SPANXN4: variants seen among roughly 807,000 people sequenced by gnomAD.
SPANXN4 encodes the protein SPANX family member N4, also known as sperm protein associated with the nucleus on the X chromosome N4.
SPANXN4 carries 5 observed loss-of-function variants against 6.0 expected under a neutral mutation model. That is an observed-to-expected ratio of 0.83 (90% CI 0.44 to 1.75). SPANXN4 has a LOEUF of 1.75. Ranked by LOEUF, SPANXN4 falls within the 40% of genes most tolerant of loss-of-function variation. The pLI is 0.02. For synonymous variants in SPANXN4, 45 were observed against 38.0 expected (o/e 1.19, Z -0.68); for missense variants, 157 against 108.6 (o/e 1.45, Z -1.98).
chrX:143,029,432 A>C (rs930689195), intron 1 of SPANXN4, among the ~76,000 whole-genome samples: 1 of 111,271 alleles, frequency 9.0e-6, no homozygotes, highest in Non-Finnish European at 1.9e-5. Context: ...GGTAGTATGG[A>C]GTGGGAGAGC....
At chrX:143,032,729 C>A (rs1263757152) in intron 1 of SPANXN4, among the ~76,000 whole-genome samples, 1 of 111,267 alleles carries the variant, frequency 9.0e-6, no homozygotes, top group Non-Finnish European at 1.9e-5. Context: ...GGAGTGCATA[C>A]CCCTGAAGGG....
chrX:143,037,036 T>C (rs923464291), downstream of SPANXN4, among the ~76,000 whole-genome samples: 1 of 111,755 alleles, frequency 8.9e-6, no homozygotes, highest in Non-Finnish European at 1.9e-5. Flanking sequence ...AACTGACTAG[T>C]TTATGCATTC....
intron 1 of SPANXN4, among the ~76,000 whole-genome samples, chrX:143,029,564 T>C (rs1932797152): frequency 9.0e-6 from 1 of 111,119 alleles, no homozygotes; most frequent in East Asian, 2.9e-4. Context: ...TTTTGAAATA[T>C]GTTGGAAGCG....
At chrX:143,028,966 T>C (rs1156671912) in intron 1 of SPANXN4, among the ~76,000 whole-genome samples, 2 of 111,708 alleles carry the variant, frequency 1.8e-5, no homozygotes, top group Non-Finnish European at 3.8e-5. Context: ...TACAGAAGGT[T>C]TTTAATACTT....
At chrX:143,026,077 A>T in exon 1 of SPANXN4, 1 of 1,207,633 alleles carries the variant, frequency 8.3e-7, no homozygotes, top group Non-Finnish European at 1.1e-6. Context: ...AATCTAACAA[A>T]AGAAAAGTTG....
Position 143,034,330 on chromosome X carries a change from C to G in SPANXN4, c.283+98C>G, listed in dbSNP as rs1932831730. 1 of 1,036,101 alleles carries G rather than the reference C, an allele frequency of 9.7e-7. No individual in the cohort carries two copies. Among genetic ancestry groups the G allele is most frequent in the Non-Finnish European group, 1.3e-6 (1 of 779,961 alleles). The allele number at this position is 1,036,101 out of a possible 1,213,427, so 85.4% of individuals were successfully genotyped here. ...GAGCTGATGACTGTGTATACCTCTG[C>G]CTTTTTTTCTGATGGTGGGGAGGAA... On this transcript the variant is annotated intron_variant, in intron 2 of 2. Coordinates refer to ENST00000370504, the Ensembl canonical transcript of SPANXN4.
chrX:143,033,258 G>A (rs1355030915), intron 1 of SPANXN4, among the ~76,000 whole-genome samples: 2 of 110,846 alleles, frequency 1.8e-5, no homozygotes, highest in African/African-American at 6.6e-5. Flanking sequence ...TAAGGAGAAC[G>A]GGGCTGGGAA....
At chrX:143,030,689 AATATGGGAGAGTAAAGT>A (rs1160100529) in intron 1 of SPANXN4, among the ~76,000 whole-genome samples, 1 of 111,471 alleles carries the variant, frequency 9.0e-6, no homozygotes, top group Non-Finnish European at 1.9e-5. Context: ...TAGATGGGGC[AATATGGGAGAGTAAAGT>A]ATATGGGTTG....
intron 1 of SPANXN4, among the ~76,000 whole-genome samples, chrX:143,030,186 A>T (rs973083825): frequency 2.7e-5 from 3 of 110,801 alleles, no homozygotes; most frequent in Non-Finnish European, 5.7e-5. Context: ...GAAGTATCCC[A>T]CAAGGCTCAA....
At chrX:143,032,442 G>T (rs776032306) in intron 1 of SPANXN4, among the ~76,000 whole-genome samples, 3 of 110,079 alleles carry the variant, frequency 2.7e-5, no homozygotes, top group Non-Finnish European at 5.7e-5. Flanking sequence ...AGAGCCAAAG[G>T]AGAAGAAGGA....
At chrX:143,027,631 G>A (rs1377691824) in intron 1 of SPANXN4, among the ~76,000 whole-genome samples, 3 of 111,642 alleles carry the variant, frequency 2.7e-5, no homozygotes, top group Non-Finnish European at 5.6e-5. Flanking sequence ...AAGTAGGTGA[G>A]ATGCAGGTTT....
chrX:143,036,047 G>GA (rs1031530023), downstream of SPANXN4, among the ~76,000 whole-genome samples: 2 of 105,285 alleles, frequency 1.9e-5, no homozygotes, highest in African/African-American at 6.9e-5. Flanking sequence ...AACTTAGTGT[G>GA]ATGTCCTCCT....
At chrX:143,037,293 C>A (rs1932848532), downstream of SPANXN4, among the ~76,000 whole-genome samples, 1 of 111,591 alleles carries the variant, frequency 9.0e-6, no homozygotes, top group Non-Finnish European at 1.9e-5. Context: ...AACCTACACA[C>A]TTCACAATAC....
chrX:143,028,605 A>G (rs1215076379), intron 1 of SPANXN4, among the ~76,000 whole-genome samples: 2 of 111,152 alleles, frequency 1.8e-5, no homozygotes, highest in African/African-American at 6.6e-5. Flanking sequence ...CCTGTGGATA[A>G]TATGAGTGAA....
intron 1 of SPANXN4, among the ~76,000 whole-genome samples, chrX:143,031,868 A>G (rs1932811842): frequency 9.0e-6 from 1 of 111,488 alleles, no homozygotes; most frequent in African/African-American, 3.3e-5. Context: ...CCTTATTGGT[A>G]TCAGGGCTTT....
downstream of SPANXN4, among the ~76,000 whole-genome samples, chrX:143,037,960 A>G (rs768016129): frequency 9.0e-6 from 1 of 111,657 alleles, no homozygotes; most frequent in Non-Finnish European, 1.9e-5. Context: ...TAAATTACCC[A>G]GTCTCAAGCA....
intron 1 of SPANXN4, among the ~76,000 whole-genome samples, chrX:143,029,255 T>C (rs1168179031): frequency 8.9e-6 from 1 of 111,768 alleles, no homozygotes; most frequent in African/African-American, 3.3e-5. Flanking sequence ...AAGTTTCCTA[T>C]TTCTTATGAG....
intron 1 of SPANXN4, 107 bp from the exon 2 acceptor site, chrX:143,033,918 C>G: frequency 1.4e-6 from 1 of 722,471 alleles, no homozygotes; most frequent in Non-Finnish European, 2.0e-6. Context: ...TGGCACAAGC[C>G]CCTTCCTCAA....
chrX:143,030,357 C>T (rs1932803056), intron 1 of SPANXN4, among the ~76,000 whole-genome samples: 1 of 110,850 alleles, frequency 9.0e-6, no homozygotes, highest in African/African-American at 3.3e-5. Context: ...CCGACATCCT[C>T]AATTATGGAG....
Sources: gnomAD v4.1 joint callset for allele counts (sites outside exome capture counted in the v4.1 genomes callset) on GRCh38, gnomAD v4.1.1 for gene constraint, MANE v1.5 for transcripts, NCBI Gene and HGNC (gene_info 2026-07-23, HGNC 2026-07-21) for gene names.